Variants in SENP5 observed in about 807,000 individuals in gnomAD.
The protein encoded by SENP5 is SUMO specific peptidase 5.
In SENP5, 21 loss-of-function variants were observed where a neutral mutation model predicts 74.2. That is an observed-to-expected ratio of 0.28 (90% CI 0.20 to 0.41). The LOEUF (loss-of-function observed/expected upper bound fraction) is 0.41. Ranked by LOEUF, SENP5 falls within the 10% of genes least tolerant of loss-of-function variation. The probability of loss-of-function intolerance (pLI) is 1.00; values close to 1 mark genes in which losing one functional copy is unlikely to be tolerated. For missense variants in SENP5, 717 were observed against 889.1 expected, an observed-to-expected ratio of 0.81 and a Z score of 2.46; for synonymous variants, 311 against 312.7, an observed-to-expected ratio of 0.99 and a Z score of 0.06.
chr3:196,913,224 G>C (rs1446878549), intron 6 of SENP5: 1 of 152,088 alleles, frequency 6.6e-6, no homozygotes, highest in Non-Finnish European at 1.5e-5. Flanking sequence ...TGCTCCTTAA[G>C]AGAATATACA....
In SENP5 at chr3:196,886,486, A is replaced by G. The variant is rs777118442; in HGVS notation, c.1305A>G (p.Gln435=). ...VDGPVSQKAV[Q]NENSYQMEED... The stretch of plus-strand genomic sequence containing the variant: ...GGCCTGTGTCCCAAAAGGCTGTTCA[A>G]AATGAGAACTCATACCAGATGGAGG... The change falls in exon 2 of 10, where the codon CAA becomes CAG. Residue 435 remains glutamine, a synonymous_variant. Coordinates refer to ENST00000323460, the MANE Select transcript of SENP5 (RefSeq NM_152699.5). 9 of 1,611,424 alleles carry G rather than the reference A, an allele frequency of 5.6e-6. No homozygotes were observed. The Middle Eastern group carries it at 8.3e-4, about 148-fold the overall frequency.
In SENP5 at chr3:196,933,432, C is replaced by G. The variant is rs1260315865; in HGVS notation, c.*2509C>G. On this transcript the variant is annotated 3_prime_UTR_variant, in exon 10 of 10. Coordinates refer to ENST00000323460, the MANE Select transcript of SENP5 (RefSeq NM_152699.5). ...ATTAGGTGTAAACCTCTATTTAACT[C>G]AAGTCCTAGATTAGAATGTCCTTTG... The G allele has an allele frequency of 1.3e-5, 2 of 152,162 alleles. No homozygotes were observed. The highest frequency in any genetic ancestry group is 4.8e-5 in the African/African-American group (2 of 41,442). The allele number at this position is 152,162 out of a possible 1,614,324, so 9.4% of individuals were successfully genotyped here. A position where few individuals can be genotyped will look rare whatever the true frequency, so the allele number is the denominator to read the frequency against.
intron 5 of SENP5, among the ~76,000 whole-genome samples, chr3:196,901,147 G>C (rs2108837609): frequency 6.6e-6 from 1 of 150,874 alleles, no homozygotes. Flanking sequence ...CTGGGTTCAA[G>C]CAATTCTCCT....
Position 196,932,001 on chromosome 3 carries a change from T to C in SENP5, c.*1078T>C. On this transcript the variant is annotated 3_prime_UTR_variant, in exon 10 of 10. Transcript: ENST00000323460. ...TGTCAGGTTCTTTCTCCTGTCCCAT[T>C]AGTGACCTCAGTAACATGCAGGGTA... 2 of 435,554 alleles carry C rather than the reference T, an allele frequency of 4.6e-6. No individual in the cohort carries two copies. Among genetic ancestry groups the C allele is most frequent in the East Asian group, 7.6e-5 (1 of 13,182 alleles). 27.0% of individuals were successfully genotyped at this position (435,554 alleles called of 1,614,324 possible).
chr3:196,920,431 G>T (rs1448734172), intron 6 of SENP5, among the ~76,000 whole-genome samples: 1 of 152,106 alleles, frequency 6.6e-6, no homozygotes, highest in Non-Finnish European at 1.5e-5. Context: ...ATTACTTCTA[G>T]GAGCTTTTTT....
chr3:196,887,903 G>A (rs533134348), intron 2 of SENP5, among the ~76,000 whole-genome samples: 2 of 152,196 alleles, frequency 1.3e-5, no homozygotes, highest in Admixed American at 1.3e-4. Flanking sequence ...AAGTAGCTGA[G>A]ACTACAGGCA....
At chr3:196,868,357 C>T (rs1445095674) in intron 1 of SENP5, among the ~76,000 whole-genome samples, 5 of 152,244 alleles carry the variant, frequency 3.3e-5, no homozygotes, top group Admixed American at 1.3e-4. Flanking sequence ...CTCCTGAAGC[C>T]GGGAAAGCTC....
chr3:196,915,279 A>C (rs1266079296), intron 6 of SENP5, among the ~76,000 whole-genome samples: 1 of 152,160 alleles, frequency 6.6e-6, no homozygotes, highest in East Asian at 1.9e-4. Flanking sequence ...CCACTCCCAC[A>C]ACTTGAAGCA....
At position 196,885,610 on chromosome 3, in the gene SENP5, T is replaced by G. The variant is rs1198645763; in HGVS notation, c.429T>G (p.Phe143Leu). Residue 143 changes from phenylalanine to leucine, a missense_variant, in exon 2 of 10, where the codon TTT becomes TTG. This residue lies in a region of SENP5 where 567 missense variants were observed against 577.4 expected (regional missense o/e 0.98). Transcript: ENST00000323460. The part of the protein sequence containing the change: ...EKNLLKAVTD[F>L]PSNSALGQAN... ...ATCTCTTGAAGGCAGTTACTGACTTTCCATCAAATAGTGCTTTAGGTCAGG... is the reference window on the plus strand; with the variant it reads ...ATCTCTTGAAGGCAGTTACTGACTTGCCATCAAATAGTGCTTTAGGTCAGG... 6.2e-7 allele frequency: 1 copy of G among 1,614,090 alleles called. No homozygotes were observed. Among genetic ancestry groups the G allele is most frequent in the Non-Finnish European group, 8.5e-7 (1 of 1,180,046 alleles).
At chr3:196,876,902 A>G (rs992262705) in intron 1 of SENP5, among the ~76,000 whole-genome samples, 17 of 152,092 alleles carry the variant, frequency 1.1e-4, no homozygotes, top group Non-Finnish European at 4.4e-5. Context: ...ACAAAATTAC[A>G]TTTTGATTTC....
intron 1 of SENP5, among the ~76,000 whole-genome samples, chr3:196,881,321 G>A (rs1250076476): frequency 1.3e-5 from 2 of 152,062 alleles, no homozygotes; most frequent in Non-Finnish European, 2.9e-5. Context: ...TTGTATTATT[G>A]TAGGCATGTC....
chr3:196,930,794 G>C lies in SENP5; in HGVS notation c.2158-19G>C, dbSNP rs1157951824. 2 of 1,407,878 alleles carry C rather than the reference G, an allele frequency of 1.4e-6. No homozygotes were observed. The allele number at this position is 1,407,878 out of a possible 1,614,324, so 87.2% of individuals were successfully genotyped here. On this transcript the variant is annotated intron_variant, in intron 9 of 9. Coordinates refer to ENST00000323460, the MANE Select transcript of SENP5 (RefSeq NM_152699.5). ...CTCCAAGTGCCACTGAAGTGTTTCTGGGACCTTTTTTTTTGCAGTACTGCA... is the reference window on the plus strand; with the variant it reads ...CTCCAAGTGCCACTGAAGTGTTTCTCGGACCTTTTTTTTTGCAGTACTGCA...
intron 6 of SENP5, among the ~76,000 whole-genome samples, chr3:196,921,590 G>A (rs1411966459): frequency 6.6e-6 from 1 of 151,814 alleles, no homozygotes; most frequent in African/African-American, 2.4e-5. Context: ...TTCTAAATAT[G>A]ATTCCTTGTT....
In SENP5 at chr3:196,883,077, A is replaced by G. The variant is rs1156989165; in HGVS notation, c.-31-2074A>G. 5.9e-5 allele frequency among the ~76,000 whole-genome samples: 9 copies of G among 152,090 alleles called. No homozygotes were observed. The East Asian group carries it at 1.4e-3, about 23-fold the overall frequency. On this transcript the variant is annotated intron_variant, in intron 1 of 9. Transcript: ENST00000323460. ...TATGCAGTATATAATTCCATCTTCA[A>G]ATTATGCCTGGAGTCCCTGTGTCTG... is the stretch of plus-strand genomic sequence containing the variant.
rs767642029 is a variant in SENP5, at chr3:196,885,651, C to T, written c.470C>T (p.Pro157Leu). Residue 157 changes from proline to leucine, a missense_variant, in exon 2 of 10, where the codon CCT (proline) becomes CTT (leucine). By Grantham distance (98) the Pro-to-Leu change is moderately conservative. Around this residue, in one of 4 missense-constraint regions of SENP5, gnomAD observed 567 missense variants for 577.4 expected, o/e 0.98. Transcript: ENST00000323460. ...TTAGGTCAGGCCAATGGTCACAGAC[C>T]TAGGACAGACCCACAACCTTCTGAC... ...SALGQANGHRPRTDPQPSDFP... is the reference protein window; with the variant it reads ...SALGQANGHRLRTDPQPSDFP... The T allele has an allele frequency of 3.7e-6, 6 of 1,614,050 alleles. No homozygotes were observed. Among genetic ancestry groups the T allele is most frequent in the African/African-American group, 1.3e-5 (1 of 74,922 alleles).
rs1372046506 is a variant in SENP5 at position 196,923,446 on chromosome 3, T to C, written c.1917T>C (p.Ile639=). 6.2e-6 allele frequency: 10 copies of C among 1,612,284 alleles called. No homozygotes were observed. The highest frequency in any genetic ancestry group is 8.5e-6 in the Non-Finnish European group (10 of 1,179,460). Residue 639 remains isoleucine (I), a synonymous_variant, in exon 7 of 10, where the codon ATT becomes ATC. Transcript: ENST00000323460. The stretch of plus-strand genomic sequence containing the variant: ...TGTTTAAAAAGAGTCTTCTGTTGAT[T>C]CCTATTCACCTGGAAGTCCACTGGT... The part of the protein sequence containing the change: ...VDLFKKSLLL[I]PIHLEVHWSL...
intron 8 of SENP5, among the ~76,000 whole-genome samples, chr3:196,928,183 C>T (rs35526503): frequency 0.18 from 28,128 of 152,100 alleles, 3,434 homozygotes; most frequent in Non-Finnish European, 0.24. Flanking sequence ...CATCATGGCT[C>T]TTATTTCCAG....
intron 2 of SENP5, among the ~76,000 whole-genome samples, chr3:196,894,136 T>C (rs1357692685): frequency 8.4e-6 from 1 of 118,596 alleles, no homozygotes; most frequent in African/African-American, 3.1e-5. Flanking sequence ...TTTTTTTTTT[T>C]TCTGGAGACA....
At chr3:196,899,862 G>T in intron 3 of SENP5, 62 bp from the exon 4 acceptor site, 2 of 1,581,248 alleles carry the variant, frequency 1.3e-6, no homozygotes, top group Non-Finnish European at 1.7e-6. Flanking sequence ...AAGATATTTA[G>T]CAGTAAATTG....
Sources: allele counts gnomAD v4.1 joint callset (sites outside exome capture counted in the v4.1 genomes callset), GRCh38; gene constraint gnomAD v4.1.1; regional missense constraint gnomAD v4.1.1; transcripts MANE v1.5; gene names NCBI Gene and HGNC (gene_info 2026-07-23, HGNC 2026-07-21).